Variants in HDLBP observed in about 807,000 individuals in gnomAD.
HDLBP encodes vigilin.
Under a neutral mutation model 137.3 loss-of-function variants are expected in HDLBP, and 30 were observed. The observed-to-expected ratio is 0.22, with a 90% CI of 0.16 to 0.30. HDLBP has a LOEUF of 0.30. HDLBP is among the 10% of genes least tolerant of loss of function. The pLI, the probability that HDLBP is intolerant of heterozygous loss-of-function variation, is 1.00. For synonymous variants in HDLBP, 606 were observed against 596.0 expected, an observed-to-expected ratio of 1.02 and a Z score of -0.24; for missense variants, 1,119 against 1,667.3, an observed-to-expected ratio of 0.67 and a Z score of 5.73.
rs1271433646 is a variant in HDLBP, at chr2:241,249,850, T to C, written c.1503A>G (p.Ala501=). The C allele has an allele frequency of 2.5e-6, 4 of 1,605,204 alleles. No individual in the cohort carries two copies. Among genetic ancestry groups the C allele is most frequent in the Non-Finnish European group, 3.4e-6 (4 of 1,176,616 alleles). ...CAGCCATGGCACTTACCATGCGAGATGCAAGCTCCAGCAGCTCTCGCTTGG... is the reference window on the plus strand; with the variant it reads ...CAGCCATGGCACTTACCATGCGAGACGCAAGCTCCAGCAGCTCTCGCTTGG... ...QQAKRELLEL[A]SRMENERTKD... Residue 501 remains alanine (A), a synonymous_variant, in exon 12 of 28, where the codon GCA becomes GCG. Coordinates refer to ENST00000310931, the MANE Select transcript of HDLBP (RefSeq NM_005336.6).
intron 1 of HDLBP, among the ~76,000 whole-genome samples, chr2:241,276,341 G>A (rs373102719): frequency 1.3e-5 from 2 of 152,006 alleles, no homozygotes; most frequent in East Asian, 3.8e-4. Flanking sequence ...TAGGTTCAGC[G>A]GTATTCATTA....
At chr2:241,266,378 G>A (rs2073676452) in intron 3 of HDLBP, among the ~76,000 whole-genome samples, 1 of 152,184 alleles carries the variant, frequency 6.6e-6, no homozygotes. Context: ...GTACAGCACT[G>A]CTCTTAATCC....
chr2:241,270,391 C>T (rs1050551975), intron 1 of HDLBP, among the ~76,000 whole-genome samples: 3 of 152,158 alleles, frequency 2.0e-5, no homozygotes, highest in Admixed American at 1.3e-4. Flanking sequence ...TTTGTCAGAG[C>T]GTGTAACGAA....
intron 1 of HDLBP, among the ~76,000 whole-genome samples, chr2:241,302,323 GGCTGAA>G (rs1291079468): frequency 5.3e-5 from 8 of 152,258 alleles, no homozygotes; most frequent in Admixed American, 5.2e-4. Context: ...CACTTTGGGA[GGCTGAA>G]GCAGAAGGAC....
intron 23 of HDLBP, 79 bp from the exon 24 acceptor site, chr2:241,234,042 A>C: frequency 6.6e-7 from 1 of 1,522,138 alleles, no homozygotes; most frequent in Non-Finnish European, 9.1e-7. Context: ...CACCCTGGTC[A>C]TAGGACACTG....
In HDLBP at chr2:241,272,283, G is replaced by A; in HGVS notation, c.-102-3742C>T. 1.7e-5 allele frequency: 17 copies of A among 978,880 alleles called. No homozygotes were observed. The highest frequency in any genetic ancestry group is 2.1e-5 in the Non-Finnish European group (17 of 824,284). The allele number at this position is 978,880 out of a possible 1,614,324, so 60.6% of individuals were successfully genotyped here. On this transcript the variant is annotated intron_variant, in intron 1 of 27. Coordinates refer to ENST00000310931, the MANE Select transcript of HDLBP (RefSeq NM_005336.6). The surrounding 1 kb of genome is among the most constrained non-coding windows in gnomAD (Gnocchi z 5.6). ...GGGGAAGGACCCCGCTGGCCTCCCA[G>A]GGACCCCCACCCTGGCCGCACACGG...
intron 1 of HDLBP, among the ~76,000 whole-genome samples, chr2:241,286,946 CAAAAAAA>C (rs34791807): frequency 1.6e-5 from 2 of 128,160 alleles, no homozygotes; most frequent in African/African-American, 3.1e-5. Flanking sequence ...ACCCTGTTTC[CAAAAAAA>C]AAAAAAAAGA....
intron 20 of HDLBP, 102 bp from the exon 21 acceptor site, chr2:241,236,871 G>T: frequency 7.8e-7 from 1 of 1,284,696 alleles, no homozygotes; most frequent in Non-Finnish European, 1.1e-6. Flanking sequence ...GGTGCTGGGT[G>T]GTAAAAGGGA....
chr2:241,272,951 G>A lies in HDLBP; in HGVS notation c.-102-4410C>T, dbSNP rs1574997509. 2 of 923,514 alleles carry A rather than the reference G, an allele frequency of 2.2e-6. No homozygotes were observed. The highest frequency in any genetic ancestry group is 1.3e-6 in the Non-Finnish European group (1 of 773,130). 57.2% of individuals were successfully genotyped at this position (923,514 alleles called of 1,614,324 possible). On this transcript the variant is annotated intron_variant, in intron 1 of 27. Transcript: ENST00000310931. This position sits in a 1 kb window ranked among gnomAD's most constrained non-coding sequence, Gnocchi z 5.6. ...CGCCGCCCCGGGCCGCCCAGCACCC[G>A]GGAGGCCCACCCAACTGCAGGCGTG...
At chr2:241,289,505 G>A (rs571708296) in intron 1 of HDLBP, among the ~76,000 whole-genome samples, 1 of 152,316 alleles carries the variant, frequency 6.6e-6, no homozygotes, top group Admixed American at 6.5e-5. Flanking sequence ...TTAGACAATG[G>A]AGATACCGGA....
intron 1 of HDLBP, among the ~76,000 whole-genome samples, chr2:241,287,432 T>C (rs2074859990): frequency 6.6e-6 from 1 of 150,914 alleles, no homozygotes; most frequent in Non-Finnish European, 1.5e-5. Context: ...TTTTTTTTTT[T>C]TTTTCTGAGA....
At chr2:241,299,145 AC>A (rs978261287) in intron 1 of HDLBP, among the ~76,000 whole-genome samples, 1 of 152,216 alleles carries the variant, frequency 6.6e-6, no homozygotes. Context: ...GCTGTACGGT[AC>A]CCGTACCTCC....
chr2:241,267,880 A>T, intron 2 of HDLBP: 1 of 985,472 alleles, frequency 1.0e-6, no homozygotes, highest in Non-Finnish European at 1.2e-6. Context: ...GTTTCTCATT[A>T]GCACAGCCAC....
At chr2:241,298,075 AAAAAAAAG>A (rs571316626) in intron 1 of HDLBP, among the ~76,000 whole-genome samples, 896 of 83,002 alleles carry the variant, frequency 0.011, 164 homozygotes, top group East Asian at 0.048. Context: ...AAAAAAAAAA[AAAAAAAAG>A]GGCCAGGCAT....
At chr2:241,305,268 C>T (rs187658926) in intron 1 of HDLBP, among the ~76,000 whole-genome samples, 3 of 152,338 alleles carry the variant, frequency 2.0e-5, no homozygotes, top group East Asian at 1.9e-4. Context: ...CGACTACAGG[C>T]ATGTGTCACT....
At chr2:241,247,398 G>T in intron 14 of HDLBP, 1 of 494,506 alleles carries the variant, frequency 2.0e-6, no homozygotes, top group East Asian at 3.8e-5. Flanking sequence ...ATCAGAGCTG[G>T]TTAAGGAAGG....
At chr2:241,283,103 T>C (rs1038130631) in intron 1 of HDLBP, among the ~76,000 whole-genome samples, 5 of 152,218 alleles carry the variant, frequency 3.3e-5, no homozygotes, top group Non-Finnish European at 4.4e-5. Flanking sequence ...GAAACAGCCT[T>C]ATCGCTGATA....
In HDLBP at chr2:241,240,190, G is replaced by A. The variant is rs2071065818; in HGVS notation, c.2170-68C>T. On this transcript the variant is annotated intron_variant, in intron 17 of 27. Transcript: ENST00000310931. The surrounding 1 kb of genome is among the most constrained non-coding windows in gnomAD (Gnocchi z 5.5). ...CTGGACCACAGTGAGGAAGACAAGA[G>A]GGTCTGTAGGACAGCAAGCTCGGGC... The A allele has an allele frequency of 6.8e-7, 1 of 1,478,452 alleles. No individual in the cohort carries two copies. The highest frequency in any genetic ancestry group is 1.4e-5 in the African/African-American group (1 of 72,312). 91.6% of individuals were successfully genotyped at this position (1,478,452 alleles called of 1,614,324 possible). A position where few individuals can be genotyped will look rare whatever the true frequency, so the allele number is the denominator to read the frequency against.
chr2:241,306,620 T>C (rs1269529397), intron 1 of HDLBP, among the ~76,000 whole-genome samples: 3 of 152,040 alleles, frequency 2.0e-5, no homozygotes, highest in Non-Finnish European at 4.4e-5. Context: ...GTACCCCAAG[T>C]CAGGCTGGGA....
Sources: gnomAD v4.1 joint callset for allele counts (sites outside exome capture counted in the v4.1 genomes callset) on GRCh38, gnomAD v4.1.1 for gene constraint, Gnocchi (gnomAD v3.1) non-coding constraint, MANE v1.5 for transcripts, NCBI Gene and HGNC (gene_info 2026-07-23, HGNC 2026-07-21) for gene names.